The following MAP4K3 variants were observed in gnomAD, a reference collection of about 807,000 sequenced individuals.
MAP4K3 encodes MAPK/ERK kinase kinase kinase 3.
In MAP4K3, 94 loss-of-function variants were observed where a neutral mutation model predicts 143.5. That is an observed-to-expected ratio of 0.65 (90% CI 0.55 to 0.78). The LOEUF is 0.78. MAP4K3 is among the 30% of genes least tolerant of loss of function. The pLI is 0.00. For missense variants in MAP4K3, 1,077 were observed against 1,068.1 expected, an observed-to-expected ratio of 1.01 and a Z score of -0.12; for synonymous variants, 416 against 347.2, an observed-to-expected ratio of 1.20 and a Z score of -2.20.
At chr2:39,290,254 AAC>A (rs951184581) in intron 19 of MAP4K3, 36 bp downstream of exon 19, 12 of 1,515,582 alleles carry the variant, frequency 7.9e-6, no homozygotes, top group Admixed American at 2.0e-5. Context: ...GCAGAACAAT[AAC>A]ACACATATAT....
At chr2:39,290,427 C>G in intron 18 of MAP4K3, 93 bp from the exon 19 acceptor site, 1 of 759,098 alleles carries the variant, frequency 1.3e-6, no homozygotes, top group Non-Finnish European at 2.1e-6. Flanking sequence ...CATAAAAAAG[C>G]TGCAAAGACA....
At chr2:39,269,833 T>C (rs548366313) in intron 26 of MAP4K3, among the ~76,000 whole-genome samples, 1 of 152,192 alleles carries the variant, frequency 6.6e-6, no homozygotes, top group South Asian at 2.1e-4. Context: ...AAACACCTCA[T>C]TGTACCCTTG....
chr2:39,265,128 A>C (rs935668710), intron 28 of MAP4K3, 75 bp downstream of exon 28: 2 of 1,034,936 alleles, frequency 1.9e-6, no homozygotes, highest in Admixed American at 2.2e-5. Context: ...TAACTGAAAA[A>C]AATGTTTCTT....
At chr2:39,418,860 T>C (rs1456488096) in intron 1 of MAP4K3, among the ~76,000 whole-genome samples, 1 of 152,126 alleles carries the variant, frequency 6.6e-6, no homozygotes, top group Non-Finnish European at 1.5e-5. Flanking sequence ...TAAGGGGACA[T>C]AGTAACTAGA....
chr2:39,251,564 A>G (rs1441920380), intron 33 of MAP4K3, among the ~76,000 whole-genome samples: 1 of 152,230 alleles, frequency 6.6e-6, no homozygotes, highest in Non-Finnish European at 1.5e-5. Flanking sequence ...TCATTAACAT[A>G]TGGTATTTCC....
At chr2:39,273,749 GC>G (rs1390670411) in intron 24 of MAP4K3, among the ~76,000 whole-genome samples, 1 of 152,170 alleles carries the variant, frequency 6.6e-6, no homozygotes, top group African/African-American at 2.4e-5. Flanking sequence ...ATGTGGCATT[GC>G]CAATACAGTT....
rs568218112 is a variant in MAP4K3 at position 39,389,771 on chromosome 2, AG to A, written c.97-11649del. Among the ~76,000 whole-genome samples, 200 of 152,342 alleles carry A rather than the reference AG, an allele frequency of 1.3e-3. 3 individuals are homozygous for A. The highest frequency in any genetic ancestry group is 4.7e-3 in the African/African-American group (194 of 41,574). ...GATGTGCAATAACATATTCTTCTAAAGGATGTATTTCAGGATCAAAAAAGGC... is the reference window on the plus strand; with the variant it reads ...GATGTGCAATAACATATTCTTCTAAAGATGTATTTCAGGATCAAAAAAGGC... On this transcript the variant is annotated intron_variant, in intron 1 of 33. Transcript: ENST00000263881.
intron 12 of MAP4K3, 56 bp from the exon 13 acceptor site, chr2:39,315,444 G>C (rs1683084220): frequency 1.6e-6 from 2 of 1,237,110 alleles, no homozygotes; most frequent in East Asian, 2.4e-5. Flanking sequence ...TCATAGTTTG[G>C]TCCACAAAAT....
Position 39,350,292 on chromosome 2 carries a change from A to C in MAP4K3, c.245+5957T>G, listed in dbSNP as rs532648611. On this transcript the variant is annotated intron_variant, in intron 3 of 33. Coordinates refer to ENST00000263881, the MANE Select transcript of MAP4K3 (RefSeq NM_003618.4). ...GAAAACTGATAAAATCCAAATAAGT[A>C]TACTGAGTTTAGCTAATAGTATCGC... Among the ~76,000 whole-genome samples the C allele has an allele frequency of 1.7e-4, 26 of 152,360 alleles. No individual in the cohort carries two copies. The South Asian group carries it at 5.4e-3, about 32-fold the overall frequency.
At chr2:39,373,769 A>C (rs1001451014) in intron 2 of MAP4K3, among the ~76,000 whole-genome samples, 1 of 152,222 alleles carries the variant, frequency 6.6e-6, no homozygotes, top group African/African-American at 2.4e-5. Flanking sequence ...AGAGAGTAGA[A>C]GCATGGTTAC....
At chr2:39,326,053 G>C in intron 9 of MAP4K3, 92 bp from the exon 10 acceptor site, 1 of 1,524,482 alleles carries the variant, frequency 6.6e-7, no homozygotes, top group Non-Finnish European at 8.9e-7. Context: ...CCCAAATAAG[G>C]TAAAACAAGA....
At chr2:39,382,818 T>C (rs1666387845) in intron 1 of MAP4K3, among the ~76,000 whole-genome samples, 2 of 152,216 alleles carry the variant, frequency 1.3e-5, no homozygotes, top group South Asian at 4.1e-4. Flanking sequence ...TTACTGACTT[T>C]TAGAAAATGT....
At position 39,278,380 on chromosome 2, in the gene MAP4K3, A is replaced by G. The variant is rs749045685; in HGVS notation, c.1794+27T>C. On this transcript the variant is annotated intron_variant, in intron 24 of 33. Coordinates refer to ENST00000263881, the MANE Select transcript of MAP4K3 (RefSeq NM_003618.4). ...ACTTATGGTAACTTAAAAATTAAAA[A>G]AAAAAAGAATATACAAAATAACATA... 4.2e-6 allele frequency: 6 copies of G among 1,416,550 alleles called. 1 individual carries two copies. In the Admixed American group the frequency reaches 1.1e-4, roughly 25 times the overall value. 87.7% of individuals were successfully genotyped at this position (1,416,550 alleles called of 1,614,324 possible). A position where few individuals can be genotyped will look rare whatever the true frequency, so the allele number is the denominator to read the frequency against.
In MAP4K3 at chr2:39,258,362, T is replaced by G. The variant is rs757665456; in HGVS notation, c.2456A>C (p.Gln819Pro). 2 of 1,601,868 alleles carry G rather than the reference T, an allele frequency of 1.2e-6. No homozygotes were observed. Among genetic ancestry groups the G allele is most frequent in the Non-Finnish European group, 1.7e-6 (2 of 1,172,702 alleles). Residue 819 changes from glutamine (Q) to proline (P), a missense_variant, in exon 31 of 34, where the codon CAG becomes CCG. Around this residue, in one of 2 missense-constraint regions of MAP4K3, gnomAD observed 864 missense variants for 801.2 expected, o/e 1.08. Transcript: ENST00000263881. ...CTTTGACTTACCTATTGATTCAATCTGGAAATCAAAGGTGAGTTCTGATGA... is the reference window on the plus strand; with the variant it reads ...CTTTGACTTACCTATTGATTCAATCGGGAAATCAAAGGTGAGTTCTGATGA... ...KLSSELTFDF[Q>P]IESIVCLQDS...
At chr2:39,340,959 TCTAA>T (rs1031230911) in intron 4 of MAP4K3, among the ~76,000 whole-genome samples, 22 of 152,206 alleles carry the variant, frequency 1.4e-4, no homozygotes, top group Admixed American at 8.5e-4. Flanking sequence ...CTACTGTACA[TCTAA>T]CTAAGATTCT....
chr2:39,364,216 G>C (rs1014000871), intron 2 of MAP4K3, among the ~76,000 whole-genome samples: 4 of 152,124 alleles, frequency 2.6e-5, no homozygotes, highest in Admixed American at 6.5e-5. Context: ...TTGCACTCCA[G>C]GAAGCAGAAT....
chr2:39,424,287 G>C (rs1664990843), intron 1 of MAP4K3, among the ~76,000 whole-genome samples: 1 of 152,134 alleles, frequency 6.6e-6, no homozygotes, highest in Non-Finnish European at 1.5e-5. Flanking sequence ...AATTAAGATG[G>C]AAAGTGGAAA....
At chr2:39,389,591 T>G (rs755002943) in intron 1 of MAP4K3, among the ~76,000 whole-genome samples, 20 of 152,096 alleles carry the variant, frequency 1.3e-4, no homozygotes, top group Non-Finnish European at 2.5e-4. Context: ...ATTAGACTTT[T>G]CAGAGAAAAA....
At chr2:39,288,440 T>C (rs574829418) in intron 19 of MAP4K3, among the ~76,000 whole-genome samples, 160 bp from the exon 20 acceptor site, 1 of 152,324 alleles carries the variant, frequency 6.6e-6, no homozygotes, top group East Asian at 1.9e-4. Context: ...CAGACTATCT[T>C]ATTGTTTTAA....
Sources: gnomAD v4.1 joint callset for allele counts (sites outside exome capture counted in the v4.1 genomes callset) on GRCh38, gnomAD v4.1.1 for gene constraint, gnomAD v4.1.1 regional missense constraint, MANE v1.5 for transcripts, NCBI Gene and HGNC (gene_info 2026-07-23, HGNC 2026-07-21) for gene names.